Variants in DOCK1 observed in about 807,000 individuals in gnomAD.
The protein encoded by DOCK1 is dedicator of cytokinesis protein 1.
A neutral mutation model predicts 262.7 loss-of-function variants in DOCK1; 138 were observed. That is an observed-to-expected ratio of 0.53 (90% CI 0.46 to 0.61). The LOEUF (loss-of-function observed/expected upper bound fraction) is 0.61. Ranked by LOEUF, DOCK1 falls within the 20% of genes least tolerant of loss-of-function variation. The pLI, the probability that DOCK1 is intolerant of heterozygous loss-of-function variation, is 0.00. For missense variants in DOCK1, 1,908 were observed against 2,370.7 expected, an observed-to-expected ratio of 0.80 and a Z score of 4.05; for synonymous variants, 866 against 867.4, an observed-to-expected ratio of 1.00 and a Z score of 0.03.
chr10:127,348,476 A>G (rs1040501732), intron 31 of DOCK1, among the ~76,000 whole-genome samples: 1 of 152,176 alleles, frequency 6.6e-6, no homozygotes, highest in Non-Finnish European at 1.5e-5. Context: ...CGGAAGAGGA[A>G]CAGGGTTCAT....
chr10:127,334,633 T>A (rs1014454282), intron 29 of DOCK1, among the ~76,000 whole-genome samples: 1 of 152,230 alleles, frequency 6.6e-6, no homozygotes, highest in Admixed American at 6.5e-5. Flanking sequence ...TTGACATAAT[T>A]TGCCTGTGAT....
At chr10:127,029,183 G>C (rs1372940006) in intron 16 of DOCK1, among the ~76,000 whole-genome samples, 1 of 152,352 alleles carries the variant, frequency 6.6e-6, no homozygotes, top group African/African-American at 2.4e-5. Context: ...GCCACAGCTT[G>C]TGGGATTTTG....
chr10:127,278,669 G>A (rs544205494), intron 29 of DOCK1, among the ~76,000 whole-genome samples: 8 of 152,326 alleles, frequency 5.3e-5, no homozygotes, highest in South Asian at 2.1e-4. Flanking sequence ...GGCTGGCCAC[G>A]CACAGGGAGG....
chr10:127,120,808 T>C (rs1592104249), intron 25 of DOCK1, among the ~76,000 whole-genome samples: 1 of 152,208 alleles, frequency 6.6e-6, no homozygotes, highest in Non-Finnish European at 1.5e-5. Flanking sequence ...AGTTTCCATG[T>C]TGGGTATCAC....
chr10:127,272,358 G>A (rs572978179), intron 29 of DOCK1, among the ~76,000 whole-genome samples: 1 of 152,280 alleles, frequency 6.6e-6, no homozygotes, highest in African/African-American at 2.4e-5. Flanking sequence ...ACACCACTGT[G>A]AGCTCTTCTT....
chr10:126,967,545 C>G (rs2037761676), intron 1 of DOCK1, among the ~76,000 whole-genome samples: 1 of 103,160 alleles, frequency 9.7e-6, no homozygotes, highest in Non-Finnish European at 1.8e-5. Flanking sequence ...TTGCCACAAA[C>G]TCGGGCTAAG....
intron 27 of DOCK1, among the ~76,000 whole-genome samples, chr10:127,190,416 G>A (rs1218434731): frequency 1.3e-5 from 2 of 152,148 alleles, no homozygotes; most frequent in Non-Finnish European, 2.9e-5. Context: ...GATTCCCTGA[G>A]TTGGTAGCAA....
intron 27 of DOCK1, among the ~76,000 whole-genome samples, chr10:127,237,439 A>C (rs1262019142): frequency 2.6e-5 from 4 of 151,956 alleles, no homozygotes; most frequent in African/African-American, 9.7e-5. Context: ...CATATTTGGC[A>C]GGGAAGCAAG....
intron 23 of DOCK1, among the ~76,000 whole-genome samples, chr10:127,067,206 G>C (rs2045930135): frequency 6.6e-6 from 1 of 152,240 alleles, no homozygotes; most frequent in East Asian, 1.9e-4. Context: ...GGAGACCTTG[G>C]CGATGGCCCC....
chr10:127,120,152 A>G (rs929186224), intron 25 of DOCK1, among the ~76,000 whole-genome samples: 1 of 152,192 alleles, frequency 6.6e-6, no homozygotes, highest in South Asian at 2.1e-4. Context: ...AGCTGATTCT[A>G]GCTTCCTCGT....
intron 10 of DOCK1, among the ~76,000 whole-genome samples, chr10:127,003,051 T>A (rs1480830350): frequency 1.3e-5 from 2 of 152,152 alleles, no homozygotes; most frequent in Non-Finnish European, 2.9e-5. Context: ...TGTGAACCTC[T>A]ATAAACCTGT....
intron 11 of DOCK1, among the ~76,000 whole-genome samples, chr10:127,011,836 C>T (rs1465831538): frequency 6.6e-6 from 1 of 151,914 alleles, no homozygotes; most frequent in Non-Finnish European, 1.5e-5. Context: ...TCAACCTGCC[C>T]CTTGACCTAT....
intron 29 of DOCK1, among the ~76,000 whole-genome samples, chr10:127,293,908 A>G (rs556108972): frequency 7.9e-5 from 12 of 152,240 alleles, no homozygotes; most frequent in Non-Finnish European, 1.3e-4. Flanking sequence ...TTCCCCACCC[A>G]ACTCTCTGCC....
intron 1 of DOCK1, among the ~76,000 whole-genome samples, chr10:126,932,043 T>C (rs2034228813): frequency 6.6e-6 from 1 of 152,206 alleles, no homozygotes; most frequent in Non-Finnish European, 1.5e-5. Flanking sequence ...GAGACGCTGA[T>C]GACTCCTGAG....
chr10:126,940,436 C>A (rs1440975606), intron 1 of DOCK1, among the ~76,000 whole-genome samples: 1 of 152,168 alleles, frequency 6.6e-6, no homozygotes, highest in East Asian at 1.9e-4. Flanking sequence ...GAGACAGGGT[C>A]TCTGTCACCC....
intron 31 of DOCK1, among the ~76,000 whole-genome samples, chr10:127,347,873 CCTTCCCTTCCCATCCCTTCCCTT>C (rs2063715787): frequency 1.9e-5 from 1 of 53,758 alleles, no homozygotes; most frequent in African/African-American, 7.1e-5. Context: ...CCTTCCCTTC[CCTTCCCTTCCCATCCCTTCCCTT>C]CCCCCTTGCT....
intron 32 of DOCK1, among the ~76,000 whole-genome samples, chr10:127,358,665 C>T (rs1450962108): frequency 1.3e-5 from 2 of 152,046 alleles, no homozygotes; most frequent in East Asian, 1.9e-4. Flanking sequence ...TGTTTTTTGG[C>T]GACTGGGCAA....
intron 29 of DOCK1, among the ~76,000 whole-genome samples, chr10:127,311,808 T>G (rs2062071952): frequency 6.6e-6 from 1 of 152,232 alleles, no homozygotes. Context: ...TCTGGGCTGC[T>G]TAAATTGACT....
chr10:127,330,780 C>T (rs186894927), intron 29 of DOCK1, among the ~76,000 whole-genome samples: 1 of 152,118 alleles, frequency 6.6e-6, no homozygotes, highest in Non-Finnish European at 1.5e-5. Flanking sequence ...TATACATAAT[C>T]AATAAGCTAT....
Sources: gnomAD v4.1 joint callset for allele counts (sites outside exome capture counted in the v4.1 genomes callset) on GRCh38, gnomAD v4.1.1 for gene constraint, MANE v1.5 for transcripts, NCBI Gene and HGNC (gene_info 2026-07-23, HGNC 2026-07-21) for gene names.